LY96: variants seen among roughly 807,000 people sequenced by gnomAD.
LY96 encodes lymphocyte antigen 96, also known as myeloid differentiation protein-2.
In LY96, 18 loss-of-function variants were observed where a neutral mutation model predicts 18.9. The ratio of observed to expected loss-of-function variants is 0.95; its 90% CI spans 0.66 to 1.41. The LOEUF (loss-of-function observed/expected upper bound fraction) is 1.41. LY96 is among the 40% of genes most tolerant of loss of function. LY96 has a pLI of 0.00. For synonymous variants in LY96, 66 were observed against 62.6 expected (o/e 1.06, Z -0.26); for missense variants, 175 against 182.4 (o/e 0.96, Z 0.23).
chr8:74,053,714 G>T, the LY96 span, among the ~76,000 whole-genome samples: 506 of 152,332 alleles, frequency 3.3e-3, 5 homozygotes, highest in African/African-American at 0.012. Context: ...GTAATGCTAT[G>T]ATTTGAATGT....
chr8:74,027,540 T>G (rs199906047), intron 4 of LY96, among the ~76,000 whole-genome samples: 1 of 152,058 alleles, frequency 6.6e-6, no homozygotes, highest in African/African-American at 2.4e-5. Context: ...CCTGGCCTCA[T>G]GTGATCCACC....
At chr8:74,006,002 C>A (rs1486084620) in intron 2 of LY96, among the ~76,000 whole-genome samples, 1 of 152,138 alleles carries the variant, frequency 6.6e-6, no homozygotes, top group Admixed American at 6.5e-5. Flanking sequence ...AAAACAACAA[C>A]AACAAAATCC....
chr8:74,015,425 G>A (rs1275185842), intron 3 of LY96, among the ~76,000 whole-genome samples: 4 of 152,124 alleles, frequency 2.6e-5, no homozygotes, highest in Admixed American at 1.3e-4. Context: ...GTGGCCTAAG[G>A]CATGTCTTGC....
chr8:74,081,109 CTTT>C, the LY96 span, among the ~76,000 whole-genome samples: 8 of 135,556 alleles, frequency 5.9e-5, no homozygotes, highest in Admixed American at 2.3e-4. Flanking sequence ...TTCTTTCTTT[CTTT>C]CTTTCTTTCT....
chr8:74,017,921 C>A (rs1257419433), intron 3 of LY96, among the ~76,000 whole-genome samples: 6 of 152,166 alleles, frequency 3.9e-5, no homozygotes, highest in South Asian at 2.1e-4. Context: ...TGGAAAGGAA[C>A]AACTGGTACC....
At chr8:74,078,005 G>A in the LY96 span, among the ~76,000 whole-genome samples, 4 of 152,030 alleles carry the variant, frequency 2.6e-5, no homozygotes, top group African/African-American at 4.8e-5. Context: ...CTACTTAGGA[G>A]GCTGAGATGG....
At chr8:74,040,423 T>C in the LY96 span, among the ~76,000 whole-genome samples, 1 of 152,236 alleles carries the variant, frequency 6.6e-6, no homozygotes, top group African/African-American at 2.4e-5. Flanking sequence ...ACCAGTGTCC[T>C]AGAGAGTTTC....
intron 3 of LY96, among the ~76,000 whole-genome samples, chr8:74,020,354 A>T (rs899805154): frequency 6.6e-6 from 1 of 152,206 alleles, no homozygotes; most frequent in African/African-American, 2.4e-5. Context: ...TAGGAATCCA[A>T]CTTACAAGGG....
chr8:74,073,790 C>T, the LY96 span, among the ~76,000 whole-genome samples: 1 of 147,960 alleles, frequency 6.8e-6, no homozygotes, highest in Non-Finnish European at 1.5e-5. Context: ...CAGCCTCCTG[C>T]CTGGCTGAGG....
the LY96 span, among the ~76,000 whole-genome samples, chr8:74,083,469 C>A: frequency 1.8e-4 from 27 of 152,298 alleles, no homozygotes; most frequent in South Asian, 5.2e-3. Flanking sequence ...CTGCCTTGGC[C>A]TCCCAGAGTG....
the LY96 span, among the ~76,000 whole-genome samples, chr8:74,069,769 A>G: frequency 6.6e-6 from 1 of 151,684 alleles, no homozygotes; most frequent in African/African-American, 2.4e-5. Flanking sequence ...TGCTCAGGTA[A>G]TTTTTGTATT....
chr8:74,005,010 T>C (rs1240185225), intron 2 of LY96, 125 bp downstream of exon 2: 2 of 1,022,002 alleles, frequency 2.0e-6, no homozygotes, highest in South Asian at 1.4e-5. Context: ...ACCACGATCT[T>C]TGTGGCTTAA....
the LY96 span, among the ~76,000 whole-genome samples, chr8:74,056,988 T>C: frequency 6.6e-6 from 1 of 152,230 alleles, no homozygotes; most frequent in Non-Finnish European, 1.5e-5. Flanking sequence ...AGTTATTATA[T>C]AAGCATTAGC....
At chr8:74,083,381 A>T in the LY96 span, among the ~76,000 whole-genome samples, 2 of 151,872 alleles carry the variant, frequency 1.3e-5, no homozygotes, top group African/African-American at 4.8e-5. Flanking sequence ...CACCTGGCTA[A>T]TTTTTTGTAT....
the LY96 span, among the ~76,000 whole-genome samples, chr8:74,049,299 C>T: frequency 6.6e-6 from 1 of 152,158 alleles, no homozygotes; most frequent in South Asian, 2.1e-4. Flanking sequence ...TCCAGCCAGA[C>T]CATACCACTC....
At chr8:74,093,664 G>C in the LY96 span, among the ~76,000 whole-genome samples, 1 of 152,150 alleles carries the variant, frequency 6.6e-6, no homozygotes, top group Non-Finnish European at 1.5e-5. Flanking sequence ...CACCCAGAAT[G>C]GGGGAGATAA....
the LY96 span, chr8:74,079,559 TA>T: frequency 1.3e-5 from 2 of 152,178 alleles, no homozygotes; most frequent in East Asian, 3.9e-4. Context: ...GCAGCATGTG[TA>T]TTAAGATTGC....
chr8:74,033,899 AC>A (rs201814770), downstream of LY96, among the ~76,000 whole-genome samples: 8 of 134,214 alleles, frequency 6.0e-5, no homozygotes, highest in African/African-American at 2.6e-4. Context: ...ACAATTGGAG[AC>A]TTTTTTTTTT....
At chr8:74,079,708 T>G in the LY96 span, 1 of 152,178 alleles carries the variant, frequency 6.6e-6, no homozygotes, top group Non-Finnish European at 1.5e-5. Flanking sequence ...GAGTGGATTT[T>G]TTTTTTCGAA....
Sources: allele counts gnomAD v4.1 joint callset (sites outside exome capture counted in the v4.1 genomes callset), GRCh38; gene constraint gnomAD v4.1.1; transcripts MANE v1.5; gene names NCBI Gene and HGNC (gene_info 2026-07-23, HGNC 2026-07-21).